SUSD1: variants seen among roughly 807,000 people sequenced by gnomAD.
The protein encoded by SUSD1 is sushi domain containing 1.
A neutral mutation model predicts 86.9 loss-of-function variants in SUSD1; 65 were observed. The observed-to-expected ratio is 0.75, with a 90% CI of 0.61 to 0.92. SUSD1 has a LOEUF of 0.92. Among genes scored for constraint, SUSD1 ranks in the 40% least tolerant of loss-of-function variants. SUSD1 has a pLI of 0.00. For synonymous variants in SUSD1, 346 were observed against 350.0 expected (o/e 0.99, Z 0.13); for missense variants, 850 against 929.7 (o/e 0.91, Z 1.11).
chr9:112,065,682 C>T (rs902902934), intron 12 of SUSD1, among the ~76,000 whole-genome samples: 13 of 152,134 alleles, frequency 8.5e-5, no homozygotes, highest in Admixed American at 2.6e-4. Context: ...AGAAATAATA[C>T]GATGTAGTGG....
rs763936080 is a variant in SUSD1 at position 112,119,763 on chromosome 9, T to A, written c.886+4494A>T. ...TTGCCTAATTCCCAGCTGTCTGGAG[T>A]TTCCAGTCCAAACTGGCCTGGCGGG... On this transcript the variant is annotated intron_variant, in intron 6 of 16. Transcript: ENST00000374270. 3.3e-4 allele frequency among the ~76,000 whole-genome samples: 50 copies of A among 152,178 alleles called. 1 individual carries two copies. Among genetic ancestry groups the A allele is most frequent in the Non-Finnish European group, 5.7e-4 (39 of 68,000 alleles).
intron 5 of SUSD1, among the ~76,000 whole-genome samples, chr9:112,141,759 A>T (rs1394114397): frequency 7.2e-6 from 1 of 138,438 alleles, no homozygotes. Context: ...GTAATATATA[A>T]TATATAATAC....
chr9:112,132,549 G>C (rs1832077269), intron 5 of SUSD1, among the ~76,000 whole-genome samples: 1 of 152,180 alleles, frequency 6.6e-6, no homozygotes. Context: ...CTGGAAATTA[G>C]TGGAATGTTG....
At position 112,106,895 on chromosome 9, in the gene SUSD1, A is replaced by G. The variant is rs574855305; in HGVS notation, c.1172-4610T>C. On this transcript the variant is annotated intron_variant, in intron 8 of 16. Coordinates refer to ENST00000374270, the MANE Select transcript of SUSD1 (RefSeq NM_022486.5). Reference sequence around the variant, plus strand: ...ACTTGTAGAAAAGAAAACAAAATCTATACTATCTGACTCACTGGAAAAGAA... The same window carrying G: ...ACTTGTAGAAAAGAAAACAAAATCTGTACTATCTGACTCACTGGAAAAGAA... 4.6e-5 allele frequency among the ~76,000 whole-genome samples: 7 copies of G among 151,706 alleles called. No individual in the cohort carries two copies. The South Asian group carries it at 1.3e-3, about 27-fold the overall frequency.
chr9:112,162,232 G>T (rs1387163630), intron 1 of SUSD1, among the ~76,000 whole-genome samples: 2 of 152,276 alleles, frequency 1.3e-5, no homozygotes, highest in East Asian at 3.9e-4. Context: ...TACACAATCT[G>T]ATGATAAACA....
At chr9:112,166,819 G>A (rs914354313) in intron 1 of SUSD1, among the ~76,000 whole-genome samples, 14 of 152,186 alleles carry the variant, frequency 9.2e-5, no homozygotes, top group African/African-American at 2.7e-4. Flanking sequence ...CTGCAGAGGT[G>A]AGGGACCCCG....
At chr9:112,145,277 C>CTTTT (rs1564337084) in intron 3 of SUSD1, among the ~76,000 whole-genome samples, 1 of 125,210 alleles carries the variant, frequency 8.0e-6, no homozygotes, top group Non-Finnish European at 1.7e-5. Flanking sequence ...ACCATAATTT[C>CTTTT]CTTTTTTTTT....
chr9:112,045,909 C>T (rs558252597), intron 15 of SUSD1, among the ~76,000 whole-genome samples: 2 of 152,280 alleles, frequency 1.3e-5, no homozygotes, highest in East Asian at 3.9e-4. Flanking sequence ...TTCTAACTAT[C>T]CCCTCACAAA....
At chr9:112,138,054 C>T (rs1832343091) in intron 5 of SUSD1, among the ~76,000 whole-genome samples, 1 of 150,578 alleles carries the variant, frequency 6.6e-6, no homozygotes, top group Middle Eastern at 3.4e-3. Flanking sequence ...GAAACCCCAT[C>T]TCTACTAAAA....
At chr9:112,100,783 G>A (rs1830598595) in intron 9 of SUSD1, among the ~76,000 whole-genome samples, 1 of 150,340 alleles carries the variant, frequency 6.7e-6, no homozygotes, top group African/African-American at 2.5e-5. Flanking sequence ...AGTGAGCCAA[G>A]ATCATGCCAC....
intron 3 of SUSD1, chr9:112,145,881 GA>G (rs1169378191): frequency 6.6e-6 from 1 of 152,112 alleles, no homozygotes; most frequent in Non-Finnish European, 1.5e-5. Flanking sequence ...CTAAGGGCCA[GA>G]ACATCTGCCT....
At chr9:112,094,491 C>T (rs941706136) in intron 10 of SUSD1, among the ~76,000 whole-genome samples, 1 of 152,058 alleles carries the variant, frequency 6.6e-6, no homozygotes, top group Non-Finnish European at 1.5e-5. Context: ...AAAAAAAGTC[C>T]AGTGGAATTA....
chr9:112,104,114 C>T (rs1174614306), intron 8 of SUSD1, among the ~76,000 whole-genome samples: 2 of 152,072 alleles, frequency 1.3e-5, no homozygotes, highest in Admixed American at 6.6e-5. Flanking sequence ...CTCCCGGGCT[C>T]AAGCAATCCT....
At chr9:112,156,161 T>TA (rs35304715) in intron 2 of SUSD1, among the ~76,000 whole-genome samples, 33,263 of 136,840 alleles carry the variant, frequency 0.24, 3,890 homozygotes, top group Middle Eastern at 0.38. Context: ...AAAATAAAGG[T>TA]AAAAAAAAAA....
intron 8 of SUSD1, among the ~76,000 whole-genome samples, chr9:112,109,406 A>G (rs1175622072): frequency 7.2e-5 from 11 of 152,254 alleles, no homozygotes; most frequent in Admixed American, 5.9e-4. Context: ...ACAAGTCTTT[A>G]TAACAGTGCA....
At chr9:112,046,311 C>T (rs562345592) in intron 15 of SUSD1, among the ~76,000 whole-genome samples, 1 of 152,184 alleles carries the variant, frequency 6.6e-6, no homozygotes, top group Non-Finnish European at 1.5e-5. Flanking sequence ...TCCATGGTCT[C>T]ATGCCAGAGA....
At chr9:112,169,950 T>C (rs946264805) in intron 1 of SUSD1, among the ~76,000 whole-genome samples, 3 of 152,266 alleles carry the variant, frequency 2.0e-5, no homozygotes, top group Admixed American at 6.5e-5. Flanking sequence ...GCTGGGATTA[T>C]AGGTGTGAGC....
rs1158626368 is a variant in SUSD1, at chr9:112,155,912, AGAG to A, written c.217+1585_217+1587del. Among the ~76,000 whole-genome samples, 9 of 151,404 alleles carry A rather than the reference AGAG, an allele frequency of 5.9e-5. No individual in the cohort carries two copies. In the East Asian group the frequency reaches 9.7e-4, roughly 16 times the overall value. Reference sequence around the variant, plus strand: ...GAGAGGGAGAAGGAGAAAAGAAAGAAGAGGAGGAGGAAGAAGAAGGAAGAGAAG... The same window carrying A: ...GAGAGGGAGAAGGAGAAAAGAAAGAAGAGGAGGAAGAAGAAGGAAGAGAAG... On this transcript the variant is annotated intron_variant, in intron 2 of 16. Coordinates refer to ENST00000374270, the MANE Select transcript of SUSD1 (RefSeq NM_022486.5).
At chr9:112,115,822 A>AT (rs1831296193) in intron 6 of SUSD1, among the ~76,000 whole-genome samples, 1 of 17,724 alleles carries the variant, frequency 5.6e-5, no homozygotes, top group Non-Finnish European at 1.2e-4. Flanking sequence ...AAAAAAAAAA[A>AT]AGAAAAAAAA....
Sources: gnomAD v4.1 joint callset for allele counts (sites outside exome capture counted in the v4.1 genomes callset) on GRCh38, gnomAD v4.1.1 for gene constraint, MANE v1.5 for transcripts, NCBI Gene and HGNC (gene_info 2026-07-23, HGNC 2026-07-21) for gene names.